Variants in EPHB1 observed in about 807,000 individuals in gnomAD.
EPHB1 encodes EPH receptor B1.
EPHB1 carries 30 observed loss-of-function variants against 94.4 expected under a neutral mutation model. The ratio of observed to expected loss-of-function variants is 0.32; its 90% confidence interval spans 0.24 to 0.43. The LOEUF is 0.43. Ranked by LOEUF, EPHB1 falls within the 20% of genes least tolerant of loss-of-function variation. The pLI, the probability that EPHB1 is intolerant of heterozygous loss-of-function variation, is 1.00. For synonymous variants in EPHB1, 522 were observed against 489.1 expected, an observed-to-expected ratio of 1.07 and a Z score of -0.89; for missense variants, 1,055 against 1,308.3, an observed-to-expected ratio of 0.81 and a Z score of 2.99.
intron 5 of EPHB1, among the ~76,000 whole-genome samples, chr3:135,134,918 C>G (rs577813117): frequency 1.3e-5 from 2 of 152,098 alleles, no homozygotes; most frequent in Non-Finnish European, 2.9e-5. Context: ...CCCTGCTATT[C>G]CCGAACCTGC....
intron 1 of EPHB1, among the ~76,000 whole-genome samples, chr3:134,816,712 A>T (rs186879011): frequency 1.3e-5 from 2 of 151,676 alleles, no homozygotes; most frequent in Non-Finnish European, 2.9e-5. Context: ...TGGCCCATCT[A>T]TTGCTGGTGT....
At chr3:135,118,811 A>C (rs1414760064) in intron 4 of EPHB1, among the ~76,000 whole-genome samples, 1 of 152,186 alleles carries the variant, frequency 6.6e-6, no homozygotes, top group Admixed American at 6.6e-5. Flanking sequence ...ACAGTTCCCC[A>C]TGGGTGAGTG....
chr3:134,815,683 A>G (rs1293360460), intron 1 of EPHB1, among the ~76,000 whole-genome samples: 2 of 152,208 alleles, frequency 1.3e-5, no homozygotes, highest in Non-Finnish European at 2.9e-5. Context: ...TTATATTCCC[A>G]CAATGCTGTG....
chr3:134,821,419 A>C (rs1433969129), intron 1 of EPHB1, among the ~76,000 whole-genome samples: 1 of 150,562 alleles, frequency 6.6e-6, no homozygotes, highest in Non-Finnish European at 1.5e-5. Flanking sequence ...ATCTGTAAAA[A>C]TAAAAATGAT....
At chr3:134,814,966 C>T (rs974224979) in intron 1 of EPHB1, among the ~76,000 whole-genome samples, 8 of 152,130 alleles carry the variant, frequency 5.3e-5, no homozygotes, top group East Asian at 3.9e-4. Flanking sequence ...GTGCCTGGAT[C>T]GAGAGTCCCA....
intron 3 of EPHB1, among the ~76,000 whole-genome samples, chr3:135,041,324 G>A (rs1936836388): frequency 2.0e-5 from 3 of 152,178 alleles, no homozygotes. Flanking sequence ...GTACCACTGG[G>A]ATGCTGGGAG....
intron 3 of EPHB1, among the ~76,000 whole-genome samples, chr3:135,068,550 T>C (rs1196541949): frequency 6.6e-6 from 1 of 152,198 alleles, no homozygotes; most frequent in Non-Finnish European, 1.5e-5. Context: ...TGGATACTAT[T>C]GTCTTGTCAG....
chr3:135,066,029 A>C (rs1490956677), intron 3 of EPHB1, among the ~76,000 whole-genome samples: 3 of 152,240 alleles, frequency 2.0e-5, no homozygotes, highest in Non-Finnish European at 4.4e-5. Context: ...ATAGGGTCCC[A>C]GTCCCTTCTA....
At chr3:134,956,650 T>G (rs1933288241) in intron 3 of EPHB1, among the ~76,000 whole-genome samples, 1 of 152,134 alleles carries the variant, frequency 6.6e-6, no homozygotes, top group Non-Finnish European at 1.5e-5. Context: ...TGCTGCAAAC[T>G]TGCTACGTGG....
chr3:135,075,440 G>A lies in EPHB1; in HGVS notation c.806-31008G>A, dbSNP rs138907276. The stretch of plus-strand genomic sequence containing the variant: ...CCAATTACAGGGCCCCCATTTCCCC[G>A]TCTGTTTCATCATGCAACCCAAGCA... On this transcript the variant is annotated intron_variant, in intron 3 of 15. Transcript: ENST00000398015. Among the ~76,000 whole-genome samples, 28 of 152,194 alleles carry A rather than the reference G, an allele frequency of 1.8e-4. No homozygotes were observed. In the East Asian group the frequency reaches 2.1e-3, roughly 12 times the overall value.
At chr3:135,177,516 T>C (rs550966561) in intron 9 of EPHB1, among the ~76,000 whole-genome samples, 1 of 152,062 alleles carries the variant, frequency 6.6e-6, no homozygotes, top group Admixed American at 6.5e-5. Context: ...GACCCCAGAG[T>C]GGGACAACTC....
chr3:134,816,896 C>A (rs1396603027), intron 1 of EPHB1, among the ~76,000 whole-genome samples: 6 of 152,014 alleles, frequency 3.9e-5, no homozygotes, highest in Non-Finnish European at 8.8e-5. Flanking sequence ...GGGCACTCAC[C>A]CTCAGTGTGA....
intron 3 of EPHB1, among the ~76,000 whole-genome samples, chr3:135,053,023 G>GTATATATATA (rs1419499793): frequency 0.011 from 721 of 68,496 alleles, 31 homozygotes; most frequent in African/African-American, 0.03. Context: ...ATGTGTGTGT[G>GTATATATATA]TGTGTATATA....
At chr3:135,255,732 G>T (rs1933354955) in intron 15 of EPHB1, among the ~76,000 whole-genome samples, 1 of 150,890 alleles carries the variant, frequency 6.6e-6, no homozygotes, top group East Asian at 2.0e-4. Flanking sequence ...TGTCTATTAG[G>T]TCTGCTTGGT....
chr3:135,093,721 CAA>C (rs11297040), intron 3 of EPHB1, among the ~76,000 whole-genome samples: 18,481 of 140,412 alleles, frequency 0.13, 1,276 homozygotes, highest in South Asian at 0.17. Context: ...GACCCTGACT[CAA>C]AAAAAAAAAA....
chr3:134,906,138 TG>T (rs1460882410), intron 1 of EPHB1, among the ~76,000 whole-genome samples: 1 of 152,182 alleles, frequency 6.6e-6, no homozygotes, highest in Non-Finnish European at 1.5e-5. Context: ...AATTCATTAA[TG>T]GCAAATGAGG....
chr3:134,924,771 A>G (rs2107701622), intron 1 of EPHB1, among the ~76,000 whole-genome samples: 1 of 152,346 alleles, frequency 6.6e-6, no homozygotes, highest in South Asian at 2.1e-4. Context: ...TCTTAATATA[A>G]TTATGCTGAG....
rs557315178 is a variant in EPHB1, at chr3:134,817,603, T to C, written c.58+21914T>C. Among the ~76,000 whole-genome samples, 396 of 152,388 alleles carry C rather than the reference T, an allele frequency of 2.6e-3. 2 individuals carry two copies. Among genetic ancestry groups the C allele is most frequent in the African/African-American group, 8.8e-3 (367 of 41,596 alleles). The stretch of plus-strand genomic sequence containing the variant: ...AGCTGCGTGACCTTGGAAAGCCACC[T>C]AATCTCTCTGAAGTTTCATTCTCAG... On this transcript the variant is annotated intron_variant, in intron 1 of 15. Transcript: ENST00000398015.
At chr3:135,140,922 C>T (rs1363579199) in intron 5 of EPHB1, among the ~76,000 whole-genome samples, 2 of 152,208 alleles carry the variant, frequency 1.3e-5, no homozygotes, top group African/African-American at 2.4e-5. Flanking sequence ...AGAAAATTAA[C>T]ATCTTCTCTG....
Sources: allele counts gnomAD v4.1 joint callset (sites outside exome capture counted in the v4.1 genomes callset), GRCh38; gene constraint gnomAD v4.1.1; transcripts MANE v1.5; gene names NCBI Gene and HGNC (gene_info 2026-07-23, HGNC 2026-07-21).